KRT82: variants seen among roughly 807,000 people sequenced by gnomAD.
KRT82 encodes keratin, type II cuticular Hb2.
In KRT82, 44 loss-of-function variants were observed where a neutral mutation model predicts 48.0. The ratio of observed to expected loss-of-function variants is 0.92; its 90% CI spans 0.72 to 1.18. The LOEUF is 1.18. Ranked by LOEUF, KRT82 falls within the 50% of genes most tolerant of loss-of-function variation. The pLI is 0.00. For missense variants in KRT82, 701 were observed against 671.4 expected (o/e 1.04, Z -0.49); for synonymous variants, 297 against 278.3 (o/e 1.07, Z -0.67).
rs1202479683 is a variant in KRT82 at position 52,406,083 on chromosome 12, G to T, written c.195C>A (p.Pro65=). Residue 65 remains proline (P), a synonymous_variant, in exon 1 of 9, where the codon CCC becomes CCA. Coordinates refer to ENST00000257974, the MANE Select transcript of KRT82 (RefSeq NM_033033.4). The part of the protein sequence containing the change: ...RSLCNVGFGR[P]RVASRCGGTL... ...TACCTCCACACCTGGAGGCTACCCG[G>T]GGCCTCCCAAAGCCCACGTTGCACA... 2.5e-6 allele frequency: 4 copies of T among 1,613,588 alleles called. 1 individual carries two copies. The highest frequency in any genetic ancestry group is 2.2e-5 in the South Asian group (2 of 91,064).
At position 52,400,004 on chromosome 12, in the gene KRT82, T is replaced by A; in HGVS notation, c.923A>T (p.Glu308Val). ...CCTCACCCGGCACTGGTACCAGGCC[T>A]CTGCTTCGGCTTTGCTGCGGCTGGC... ...DIASRSKAEAEAWYQCRYEEL... is the reference protein window; with the variant it reads ...DIASRSKAEAVAWYQCRYEEL... Residue 308 changes from glutamate (E) to valine (V), a missense_variant, in exon 5 of 9, where the codon GAG (glutamate) becomes GTG (valine). Glu to Val is a moderately radical substitution (Grantham distance 121). Coordinates refer to ENST00000257974, the MANE Select transcript of KRT82 (RefSeq NM_033033.4). The A allele has an allele frequency of 6.2e-7, 1 of 1,614,118 alleles. No individual in the cohort carries two copies. Among genetic ancestry groups the A allele is most frequent in the East Asian group, 2.2e-5 (1 of 44,880 alleles).
At chr12:52,398,116 A>C (rs2658660) in intron 5 of KRT82, among the ~76,000 whole-genome samples, 123,646 of 152,074 alleles carry the variant, frequency 0.81, 50,751 homozygotes, top group African/African-American at 0.93. Flanking sequence ...CAAATAGAAC[A>C]CTGCTTTTAT....
At chr12:52,397,601 CTT>C (rs1398349497) in intron 5 of KRT82, among the ~76,000 whole-genome samples, 3 of 152,206 alleles carry the variant, frequency 2.0e-5, no homozygotes, top group Non-Finnish European at 4.4e-5. Flanking sequence ...AATTAGCTGA[CTT>C]TAGATTTTCT....
chr12:52,403,598 A>G, intron 2 of KRT82, 103 bp downstream of exon 2: 1 of 766,812 alleles, frequency 1.3e-6, no homozygotes, highest in East Asian at 2.5e-5. Context: ...CACCCAGTGA[A>G]CTAAGTTTAG....
In KRT82 at chr12:52,406,052, G is replaced by A. The variant is rs372901802; in HGVS notation, c.226C>T (p.Pro76Ser). The A allele has an allele frequency of 1.9e-6, 3 of 1,613,950 alleles. No homozygotes were observed. Among genetic ancestry groups the A allele is most frequent in the East Asian group, 2.2e-5 (1 of 44,894 alleles). ...RVASRCGGTL[P>S]GFGYRLGATC... ...GCTCCCAGTCGGTACCCGAAGCCAGGCAGGGTACCTCCACACCTGGAGGCT... is the reference window on the plus strand; with the variant it reads ...GCTCCCAGTCGGTACCCGAAGCCAGACAGGGTACCTCCACACCTGGAGGCT... The change falls in exon 1 of 9, where the codon CCT (proline) becomes TCT (serine). Residue 76 changes from proline (P) to serine (S), a missense_variant. Pro to Ser is a moderately conservative substitution (Grantham distance 74). Coordinates refer to ENST00000257974, the MANE Select transcript of KRT82 (RefSeq NM_033033.4).
intron 2 of KRT82, among the ~76,000 whole-genome samples, chr12:52,402,616 T>A (rs1477718480): frequency 6.6e-6 from 1 of 152,228 alleles, no homozygotes; most frequent in East Asian, 1.9e-4. Context: ...GGACTCCCGC[T>A]CTTTCCCTTT....
rs1482924118 is a variant in KRT82, at chr12:52,400,390, C to A, written c.777+137G>T. On this transcript the variant is annotated intron_variant, in intron 4 of 8. Coordinates refer to ENST00000257974, the MANE Select transcript of KRT82 (RefSeq NM_033033.4). ...ATGATCCAACTTCTGTGAGTCTCAC[C>A]GCCTGAGAACGTCTCTACAGTGCGG... is the stretch of plus-strand genomic sequence containing the variant. 1.1e-5 allele frequency: 8 copies of A among 727,148 alleles called. No individual in the cohort carries two copies. In the Admixed American group the frequency reaches 1.7e-4, roughly 16 times the overall value. 45.0% of individuals were successfully genotyped at this position (727,148 alleles called of 1,614,324 possible). A position where few individuals can be genotyped will look rare whatever the true frequency, so the allele number is the denominator to read the frequency against.
intron 3 of KRT82, among the ~76,000 whole-genome samples, chr12:52,400,902 C>T (rs1183362514): frequency 6.6e-6 from 1 of 152,220 alleles, no homozygotes; most frequent in Non-Finnish European, 1.5e-5. Flanking sequence ...AAATACCTGG[C>T]TACCTGTCTG....
chr12:52,404,089 C>T (rs1939823326), intron 1 of KRT82, among the ~76,000 whole-genome samples, 180 bp from the exon 2 acceptor site: 1 of 152,198 alleles, frequency 6.6e-6, no homozygotes, highest in African/African-American at 2.4e-5. Context: ...CTGTGTCTCC[C>T]CTGCCTGGGA....
intron 8 of KRT82, 71 bp downstream of exon 8, chr12:52,395,688 G>T: frequency 1.7e-6 from 2 of 1,187,538 alleles, no homozygotes; most frequent in Non-Finnish European, 1.2e-6. Flanking sequence ...AAGGGGTGGT[G>T]TGGGCTGCCT....
Position 52,403,882 on chromosome 12 carries a change from G to A in KRT82, c.439C>T (p.Leu147=). Residue 147 remains leucine, a synonymous_variant, in exon 2 of 9, where the codon CTG becomes TTG. Transcript: ENST00000257974. ...ATGAAGTTCCACTTGGTCTCCAGCAGCTTGTTCTTCTGCTCCAGGAAACGG... is the reference window on the plus strand; with the variant it reads ...ATGAAGTTCCACTTGGTCTCCAGCAACTTGTTCTTCTGCTCCAGGAAACGG... ...KVRFLEQKNK[L]LETKWNFMQQ... is the part of the protein sequence containing the mutation. 6.2e-7 allele frequency: 1 copy of A among 1,613,964 alleles called. No individual in the cohort carries two copies.
rs773166470 is a variant in KRT82 at position 52,395,227 on chromosome 12, C to T, written c.1322-32G>A. On this transcript the variant is annotated intron_variant, in intron 8 of 8. Transcript: ENST00000257974. The stretch of plus-strand genomic sequence containing the variant: ...GAACAGGAAGGGGTGCTCAGGGCCC[C>T]ACACGGTGTGGCTCTCAGTGTACTG... 10 of 1,586,632 alleles carry T rather than the reference C, an allele frequency of 6.3e-6. No homozygotes were observed. The African/African-American group carries it at 9.4e-5, about 15-fold the overall frequency.
intron 2 of KRT82, among the ~76,000 whole-genome samples, chr12:52,403,182 G>C (rs1220382763): frequency 6.6e-6 from 1 of 152,232 alleles, no homozygotes; most frequent in Non-Finnish European, 1.5e-5. Flanking sequence ...GAAGGAGCTA[G>C]AGCCTGATAT....
At position 52,399,478 on chromosome 12, in the gene KRT82, T is replaced by C. The variant is rs534729640; in HGVS notation, c.942+507A>G. ...GGCAGGGCAGGAGAGGCTGAGATGA[T>C]GATATTTGTTAAATCTAATTACCCT... On this transcript the variant is annotated intron_variant, in intron 5 of 8. Transcript: ENST00000257974. Among the ~76,000 whole-genome samples, 5 of 152,306 alleles carry C rather than the reference T, an allele frequency of 3.3e-5. No individual in the cohort carries two copies. In the East Asian group the frequency reaches 9.7e-4, roughly 29 times the overall value.
chr12:52,396,369 G>T, intron 6 of KRT82, 137 bp from the exon 7 acceptor site: 1 of 760,574 alleles, frequency 1.3e-6, no homozygotes, highest in South Asian at 1.9e-5. Flanking sequence ...TGCGACATCT[G>T]GTTCCTCCAG....
intron 5 of KRT82, among the ~76,000 whole-genome samples, chr12:52,399,505 A>C (rs988081508): frequency 6.6e-6 from 1 of 152,172 alleles, no homozygotes; most frequent in East Asian, 1.9e-4. Flanking sequence ...AATTACCCTT[A>C]GGGCCCCCCT....
chr12:52,397,044 C>T, intron 5 of KRT82, 36 bp from the exon 6 acceptor site: 2 of 1,609,356 alleles, frequency 1.2e-6, no homozygotes. Context: ...CCAGGCCCCA[C>T]AAGATGGCAT....
intron 8 of KRT82, 93 bp downstream of exon 8, chr12:52,395,666 C>T: frequency 1.1e-6 from 1 of 911,382 alleles, no homozygotes. Flanking sequence ...GGGGAGGCAT[C>T]AGAGGTCTAG....
At chr12:52,404,041 G>T in intron 1 of KRT82, 132 bp from the exon 2 acceptor site, 1 of 776,458 alleles carries the variant, frequency 1.3e-6, no homozygotes, top group East Asian at 2.7e-5. Flanking sequence ...GCAAAAATCA[G>T]GGTCTCTGCA....
Sources: allele counts gnomAD v4.1 joint callset (sites outside exome capture counted in the v4.1 genomes callset), GRCh38; gene constraint gnomAD v4.1.1; transcripts MANE v1.5; gene names NCBI Gene and HGNC (gene_info 2026-07-23, HGNC 2026-07-21).